STK36: variants seen among roughly 807,000 people sequenced by gnomAD.
STK36 encodes the protein serine/threonine-protein kinase 36.
Under a neutral mutation model 142.2 loss-of-function variants are expected in STK36, and 116 were observed. That is an observed-to-expected ratio of 0.82 (90% CI 0.70 to 0.95). The LOEUF is 0.95. Ranked by LOEUF, STK36 falls within the 40% of genes least tolerant of loss-of-function variation. The pLI is 0.00. For missense variants in STK36, 1,422 were observed against 1,617.2 expected (o/e 0.88, Z 2.07); for synonymous variants, 619 against 641.7 (o/e 0.96, Z 0.53).
intron 14 of STK36, 47 bp downstream of exon 14, chr2:218,690,602 G>C (rs374454807): frequency 1.4e-6 from 2 of 1,442,780 alleles, no homozygotes; most frequent in Non-Finnish European, 2.0e-6. Flanking sequence ...ATCATTCTCC[G>C]TGTTTCTCCC....
In STK36 at chr2:218,693,364, G is replaced by A. The variant is rs1941088781; in HGVS notation, c.2148+20G>A. ...CTCAAGGTAATCCTCTTAACTCCTG[G>A]CATCACAGCTTTATTTTTAACTCCC... is the stretch of plus-strand genomic sequence containing the variant. On this transcript the variant is annotated intron_variant, in intron 17 of 26. Coordinates refer to ENST00000295709, the MANE Select transcript of STK36 (RefSeq NM_015690.5). The A allele has an allele frequency of 1.9e-6, 3 of 1,606,222 alleles. No individual in the cohort carries two copies. The highest frequency in any genetic ancestry group is 1.7e-6 in the Non-Finnish European group (2 of 1,173,510).
Position 218,694,383 on chromosome 2 carries a change from G to C in STK36, c.2400+56G>C. The C allele has an allele frequency of 6.5e-7, 1 of 1,549,964 alleles. No individual in the cohort carries two copies. ...TTTCACCCTAGCATCTACCCCTTGTGGAAGTGGGGGAGTCACTATCCAATT... is the reference window on the plus strand; with the variant it reads ...TTTCACCCTAGCATCTACCCCTTGTCGAAGTGGGGGAGTCACTATCCAATT... On this transcript the variant is annotated intron_variant, in intron 20 of 26. Transcript: ENST00000295709. This position sits in a 1 kb window ranked among gnomAD's most constrained non-coding sequence, Gnocchi z 4.4.
Position 218,694,315 on chromosome 2 carries a change from C to T in STK36, c.2388C>T (p.Val796=), listed in dbSNP as rs1369412708. The part of the protein sequence containing the change: ...DVATLFTHSH[V]VSLVSAAACL... The stretch of plus-strand genomic sequence containing the variant: ...CTACTCTCTTTACCCATTCGCATGT[C>T]GTCTCTCTTGTGGTAAGTTTTTAAC... Residue 796 remains valine, a synonymous_variant, in exon 20 of 27, where the codon GTC becomes GTT. Transcript: ENST00000295709. The surrounding 1 kb of genome is among the most constrained non-coding windows in gnomAD (Gnocchi z 4.4). 4.3e-6 allele frequency: 7 copies of T among 1,613,992 alleles called. No individual in the cohort carries two copies. Among genetic ancestry groups the T allele is most frequent in the African/African-American group, 1.3e-5 (1 of 75,040 alleles).
intron 25 of STK36, 128 bp downstream of exon 25, chr2:218,698,129 A>C (rs766516946): frequency 7.5e-7 from 1 of 1,335,960 alleles, no homozygotes; most frequent in Admixed American, 2.2e-5. Context: ...TTGACTCAAA[A>C]GTTGGCGTGG....
intron 14 of STK36, among the ~76,000 whole-genome samples, chr2:218,691,015 A>C (rs888887973): frequency 6.6e-6 from 1 of 152,150 alleles, no homozygotes; most frequent in Admixed American, 6.6e-5. Flanking sequence ...CAGAGGCTTT[A>C]AGCAGTTTGG....
rs1005443054 is a variant in STK36 at position 218,696,396 on chromosome 2, G to T, written c.2512-131G>T. Reference sequence around the variant, plus strand: ...TCCCCCACCGAAATGGTTCCCCCAGGCCCCATATATTCTACCTTCCGGTTG... The same window carrying T: ...TCCCCCACCGAAATGGTTCCCCCAGTCCCCATATATTCTACCTTCCGGTTG... On this transcript the variant is annotated intron_variant, in intron 21 of 26. Transcript: ENST00000295709. 9 of 741,016 alleles carry T rather than the reference G, an allele frequency of 1.2e-5. No homozygotes were observed. The African/African-American group carries it at 1.6e-4, about 13-fold the overall frequency. 45.9% of individuals were successfully genotyped at this position (741,016 alleles called of 1,614,324 possible).
chr2:218,693,324 C>A lies in STK36; in HGVS notation c.2128C>A (p.Leu710Met). 1 of 1,614,186 alleles carries A rather than the reference C, an allele frequency of 6.2e-7. No homozygotes were observed. Among genetic ancestry groups the A allele is most frequent in the South Asian group, 1.1e-5 (1 of 91,084 alleles). ...CATCTCTGGCCTGCAGCATCCCATCCTGTGCCTGCACCTTCTCAAGGTAAT... is the reference window on the plus strand; with the variant it reads ...CATCTCTGGCCTGCAGCATCCCATCATGTGCCTGCACCTTCTCAAGGTAAT... Reference protein sequence around the residue: ...SLISGLQHPILCLHLLKVLYS... With the variant: ...SLISGLQHPIMCLHLLKVLYS... The change falls in exon 17 of 27, where the codon CTG (leucine) becomes ATG (methionine). Residue 710 changes from leucine (L) to methionine (M), a missense_variant. Leu to Met is a conservative substitution (Grantham distance 15). Coordinates refer to ENST00000295709, the MANE Select transcript of STK36 (RefSeq NM_015690.5).
chr2:218,693,130 TG>T, intron 16 of STK36, 109 bp from the exon 17 acceptor site: 1 of 904,750 alleles, frequency 1.1e-6, no homozygotes, highest in Non-Finnish European at 1.7e-6. Flanking sequence ...CTGGTGAATG[TG>T]GGAAGAGTGA....
intron 10 of STK36, among the ~76,000 whole-genome samples, chr2:218,682,370 CT>C (rs1459430969): frequency 1.8e-4 from 28 of 152,258 alleles, no homozygotes. Context: ...CCCTTTACCC[CT>C]AAATACTTTA....
Position 218,672,219 on chromosome 2 carries a change from AG to A in STK36, c.-90+5del. The stretch of plus-strand genomic sequence containing the variant: ...ACCAGTTCTAGCGAGTAAAATTGTA[AG>A]AAAGGGAGCCGAAAGAGACCGGAGG... On this transcript the variant is annotated splice_donor_5th_base_variant and intron_variant, in intron 1 of 26. Coordinates refer to ENST00000295709, the MANE Select transcript of STK36 (RefSeq NM_015690.5). The A allele has an allele frequency of 1.8e-6, 1 of 556,218 alleles. No individual in the cohort carries two copies. Among genetic ancestry groups the A allele is most frequent in the South Asian group, 2.3e-5 (1 of 43,102 alleles). 34.5% of individuals were successfully genotyped at this position (556,218 alleles called of 1,614,324 possible).
rs1204437529 is a variant in STK36 at position 218,697,464 on chromosome 2, C to T, written c.2763C>T (p.Gly921=). 6.2e-7 allele frequency: 1 copy of T among 1,613,698 alleles called. No individual in the cohort carries two copies. The highest frequency in any genetic ancestry group is 2.2e-5 in the East Asian group (1 of 44,882). Reference sequence around the variant, plus strand: ...GGTCTCCATTTTTGGTGTTACCAGGCATGGCAGCCCTGCTGAGCCTGGCCA... The same window carrying T: ...GGTCTCCATTTTTGGTGTTACCAGGTATGGCAGCCCTGCTGAGCCTGGCCA... The part of the protein sequence containing the change: ...EPDWTLISPQ[G]MAALLSLAMA... Residue 921 remains glycine, a splice_region_variant and synonymous_variant, in exon 24 of 27, where the codon GGC becomes GGT. Coordinates refer to ENST00000295709, the MANE Select transcript of STK36 (RefSeq NM_015690.5).
At chr2:218,690,850 C>A (rs1427445) in intron 14 of STK36, among the ~76,000 whole-genome samples, 82,618 of 152,050 alleles carry the variant, frequency 0.54, 25,592 homozygotes, top group African/African-American at 0.85. Flanking sequence ...TTAACCACTG[C>A]AGAAGATGCA....
intron 24 of STK36, 107 bp downstream of exon 24, chr2:218,697,717 G>A (rs972053784): frequency 6.3e-7 from 1 of 1,588,940 alleles, no homozygotes; most frequent in Non-Finnish European, 8.6e-7. Context: ...AGAAAGATGA[G>A]ATCAGGTTTA....
At chr2:218,673,029 C>A in intron 2 of STK36, 116 bp downstream of exon 2, 1 of 889,080 alleles carries the variant, frequency 1.1e-6, no homozygotes, top group East Asian at 2.6e-5. Context: ...TACTGACTCC[C>A]TCATACTTCT....
At chr2:218,701,011 C>CAA (rs11301260) in intron 26 of STK36, among the ~76,000 whole-genome samples, 6 of 80,254 alleles carry the variant, frequency 7.5e-5, no homozygotes, top group Non-Finnish European at 1.4e-4. Flanking sequence ...GACTCTGTCT[C>CAA]AAAAAAAAAA....
In STK36 at chr2:218,673,642, C is replaced by T. The variant is rs1308003723; in HGVS notation, c.102C>T (p.Phe34=). 1 of 1,614,004 alleles carries T rather than the reference C, an allele frequency of 6.2e-7. No individual in the cohort carries two copies. The highest frequency in any genetic ancestry group is 2.2e-5 in the East Asian group (1 of 44,886). ...ACTGACAGGTCGTGGCCCTGAAGTT[C>T]ATCCCAAAATTGGGGCGCTCAGAGA... ...KYSAQVVALK[F]IPKLGRSEKE... Residue 34 remains phenylalanine, a synonymous_variant, in exon 3 of 27, where the codon TTC becomes TTT. Transcript: ENST00000295709.
intron 21 of STK36, among the ~76,000 whole-genome samples, chr2:218,695,222 C>CTT (rs531122836): frequency 0.014 from 1,237 of 87,986 alleles, 2 homozygotes; most frequent in East Asian, 0.021. Flanking sequence ...ATTGTCATCC[C>CTT]TTTTTTTTTT....
intron 10 of STK36, 117 bp downstream of exon 10, chr2:218,680,819 A>G: frequency 1.4e-6 from 1 of 734,542 alleles, no homozygotes; most frequent in Non-Finnish European, 2.2e-6. Context: ...TTTGTGTTAA[A>G]AAGTATTGCT....
At chr2:218,693,844 C>G in intron 18 of STK36, 23 bp downstream of exon 18, 1 of 1,613,952 alleles carries the variant, frequency 6.2e-7, no homozygotes, top group Non-Finnish European at 8.5e-7. Context: ...CCCCTGGCAG[C>G]CCCACTGTCT....
Sources: gnomAD v4.1 joint callset for allele counts (sites outside exome capture counted in the v4.1 genomes callset) on GRCh38, gnomAD v4.1.1 for gene constraint, Gnocchi (gnomAD v3.1) non-coding constraint, MANE v1.5 for transcripts, NCBI Gene and HGNC (gene_info 2026-07-23, HGNC 2026-07-21) for gene names.